The following ARHGEF38 variants were observed in gnomAD, a reference collection of about 807,000 sequenced individuals.
ARHGEF38 encodes the protein Rho guanine nucleotide exchange factor (GEF) 38.
A neutral mutation model predicts 79.9 loss-of-function variants in ARHGEF38; 79 were observed. The ratio of observed to expected loss-of-function variants is 0.99; its 90% confidence interval spans 0.82 to 1.19. ARHGEF38 has a LOEUF of 1.19. Among genes scored for constraint, ARHGEF38 ranks in the 50% most tolerant of loss-of-function variants. ARHGEF38 has a pLI of 0.00. For missense variants in ARHGEF38, 962 were observed against 907.2 expected (o/e 1.06, Z -0.78); for synonymous variants, 366 against 328.3 (o/e 1.11, Z -1.24).
chr4:105,628,726 C>G (rs1370297046), intron 3 of ARHGEF38, among the ~76,000 whole-genome samples: 1 of 152,152 alleles, frequency 6.6e-6, no homozygotes, highest in African/African-American at 2.4e-5. Context: ...CAAACACACA[C>G]ACACTCACAT....
chr4:105,620,467 T>C (rs1263131452), intron 3 of ARHGEF38, among the ~76,000 whole-genome samples: 2 of 152,326 alleles, frequency 1.3e-5, no homozygotes, highest in South Asian at 4.1e-4. Flanking sequence ...CCCTAATTAA[T>C]ATCCAATAGA....
At chr4:105,602,799 G>A in intron 2 of ARHGEF38, among the ~76,000 whole-genome samples, 1 of 152,102 alleles carries the variant, frequency 6.6e-6, no homozygotes, top group East Asian at 1.9e-4. Flanking sequence ...GGGCACCTTG[G>A]ATTTTTGACA....
rs181360285 is a variant in ARHGEF38, at chr4:105,590,261, G to A, written c.384+826G>A. On this transcript the variant is annotated intron_variant, in intron 2 of 13. Coordinates refer to ENST00000420470, the MANE Select transcript of ARHGEF38 (RefSeq NM_001242729.2). ...GACATTGAGCAGAGAACTGAAGGAG[G>A]TAACAGAATGGTCCAGGCAAAGTGG... 4.6e-3 allele frequency among the ~76,000 whole-genome samples: 705 copies of A among 152,108 alleles called. 1 individual carries two copies. The highest frequency in any genetic ancestry group is 9.6e-3 in the Admixed American group (147 of 15,268).
chr4:105,649,822 C>T (rs1730023715), intron 7 of ARHGEF38, among the ~76,000 whole-genome samples: 1 of 152,164 alleles, frequency 6.6e-6, no homozygotes, highest in Non-Finnish European at 1.5e-5. Flanking sequence ...AATCTTGACA[C>T]TATTCATATT....
chr4:105,574,030 A>C (rs896857603), intron 1 of ARHGEF38, among the ~76,000 whole-genome samples: 9 of 152,178 alleles, frequency 5.9e-5, no homozygotes, highest in African/African-American at 2.2e-4. Flanking sequence ...TTGCTACTGT[A>C]TAGAAGAAAT....
intron 1 of ARHGEF38, among the ~76,000 whole-genome samples, chr4:105,561,981 A>AAGATTTGTTTGTGT (rs1346222089): frequency 2.6e-5 from 4 of 152,158 alleles, no homozygotes; most frequent in Non-Finnish European, 5.9e-5. Context: ...TTATTTTTGT[A>AAGATTTGTTTGTGT]AGATTTGTTT....
downstream of ARHGEF38, among the ~76,000 whole-genome samples, chr4:105,681,362 AATG>A (rs1258489988): frequency 1.3e-5 from 2 of 152,124 alleles, no homozygotes; most frequent in Non-Finnish European, 2.9e-5. Flanking sequence ...ACTTTAGAAT[AATG>A]ATGTTAGAAA....
At chr4:105,592,325 A>G (rs1193677734) in intron 2 of ARHGEF38, among the ~76,000 whole-genome samples, 1 of 151,944 alleles carries the variant, frequency 6.6e-6, no homozygotes, top group Non-Finnish European at 1.5e-5. Flanking sequence ...TGCCATTACC[A>G]ACAACTTCAT....
At chr4:105,591,009 A>AT in intron 2 of ARHGEF38, among the ~76,000 whole-genome samples, 1 of 151,640 alleles carries the variant, frequency 6.6e-6, no homozygotes, top group East Asian at 1.9e-4. Flanking sequence ...GTTGCAAATA[A>AT]TTTTTCTGGT....
intron 5 of ARHGEF38, among the ~76,000 whole-genome samples, chr4:105,637,131 G>A (rs1277131808): frequency 3.3e-5 from 5 of 152,218 alleles, no homozygotes; most frequent in Non-Finnish European, 7.4e-5. Context: ...AGCTTCTAGT[G>A]TGTGTTTGCT....
At chr4:105,627,372 C>A (rs1433613298) in intron 3 of ARHGEF38, among the ~76,000 whole-genome samples, 11 of 152,076 alleles carry the variant, frequency 7.2e-5, no homozygotes. Context: ...TGGTGTGGCA[C>A]ATGTTGGGGC....
At chr4:105,576,279 G>A (rs1213500058) in intron 1 of ARHGEF38, among the ~76,000 whole-genome samples, 1 of 152,080 alleles carries the variant, frequency 6.6e-6, no homozygotes, top group African/African-American at 2.4e-5. Context: ...CAATCCATTA[G>A]CATGGAATGT....
intron 10 of ARHGEF38, among the ~76,000 whole-genome samples, chr4:105,663,676 A>G (rs1250713261): frequency 6.6e-6 from 1 of 152,254 alleles, no homozygotes; most frequent in African/African-American, 2.4e-5. Flanking sequence ...TATATATAAA[A>G]AACACATTTT....
Position 105,629,597 on chromosome 4 carries a change from G to T in ARHGEF38, c.509-1301G>T, listed in dbSNP as rs954455638. On this transcript the variant is annotated intron_variant, in intron 3 of 13. Transcript: ENST00000420470. ...CCAAATCATTATTAGTCTCAAATCTGCAATGTTTTGAGAGCTGACCCTGTC... is the reference window on the plus strand; with the variant it reads ...CCAAATCATTATTAGTCTCAAATCTTCAATGTTTTGAGAGCTGACCCTGTC... Among the ~76,000 whole-genome samples the T allele has an allele frequency of 2.0e-5, 3 of 151,308 alleles. 1 individual carries two copies. The highest frequency in any genetic ancestry group is 7.4e-5 in the African/African-American group (3 of 40,652).
chr4:105,647,344 T>C (rs1181745383), intron 6 of ARHGEF38, among the ~76,000 whole-genome samples: 19 of 152,176 alleles, frequency 1.2e-4, no homozygotes, highest in Non-Finnish European at 1.5e-5. Flanking sequence ...TATATGGTAC[T>C]ATAGTTTGTT....
chr4:105,654,039 T>C, intron 7 of ARHGEF38, 26 bp from the exon 8 acceptor site: 4 of 1,291,948 alleles, frequency 3.1e-6, no homozygotes, highest in Non-Finnish European at 4.2e-6. Context: ...ATTTGAGTTA[T>C]GAAAATAATT....
chr4:105,583,290 A>G (rs1444451646), intron 1 of ARHGEF38, among the ~76,000 whole-genome samples: 1 of 152,188 alleles, frequency 6.6e-6, no homozygotes, highest in Non-Finnish European at 1.5e-5. Flanking sequence ...GCTTTTCTGC[A>G]ATATCACAAA....
At chr4:105,682,548 G>A (rs533829755), downstream of ARHGEF38, 48 of 541,008 alleles carry the variant, frequency 8.9e-5, no homozygotes, top group African/African-American at 4.3e-4. Context: ...GAATAAAAAT[G>A]TTGAAGATTG....
In ARHGEF38 at chr4:105,552,896, G is replaced by A; in HGVS notation, c.131G>A (p.Gly44Glu). 1 of 1,613,888 alleles carries A rather than the reference G, an allele frequency of 6.2e-7. No homozygotes were observed. Residue 44 changes from glycine to glutamate, a missense_variant, in exon 1 of 14, where the codon GGG becomes GAG. Coordinates refer to ENST00000420470, the MANE Select transcript of ARHGEF38 (RefSeq NM_001242729.2). The stretch of plus-strand genomic sequence containing the variant: ...ACTGTGGTTGAGAGCAGTGTTTCTG[G>A]GGACCACTCTGGCACCTTGAGGAGG... ...TDTVVESSVSGDHSGTLRRSQ... is the reference protein window; with the variant it reads ...TDTVVESSVSEDHSGTLRRSQ...
Sources: gnomAD v4.1 joint callset for allele counts (sites outside exome capture counted in the v4.1 genomes callset) on GRCh38, gnomAD v4.1.1 for gene constraint, MANE v1.5 for transcripts, NCBI Gene and HGNC (gene_info 2026-07-23, HGNC 2026-07-21) for gene names.